CDIN1: variants seen among roughly 807,000 people sequenced by gnomAD.
The protein encoded by CDIN1 is CDAN1-interacting nuclease 1.
In CDIN1, 33 loss-of-function variants were observed where a neutral mutation model predicts 45.3. That is an observed-to-expected ratio of 0.73 (90% CI 0.55 to 0.97). The LOEUF (loss-of-function observed/expected upper bound fraction) is 0.97. Among genes scored for constraint, CDIN1 ranks in the 50% least tolerant of loss-of-function variants. The probability of loss-of-function intolerance (pLI) is 0.00; values close to 1 mark genes in which losing one functional copy is unlikely to be tolerated. For synonymous variants in CDIN1, 118 were observed against 124.4 expected (o/e 0.95, Z 0.34); for missense variants, 303 against 339.4 (o/e 0.89, Z 0.84).
chr15:36,807,632 C>T (rs1398202476), intron 10 of CDIN1, among the ~76,000 whole-genome samples: 1 of 152,118 alleles, frequency 6.6e-6, no homozygotes, highest in Non-Finnish European at 1.5e-5. Flanking sequence ...CTTAGAAATG[C>T]TGAGGTTTTA....
chr15:36,643,903 G>A (rs1224386239), intron 1 of CDIN1, among the ~76,000 whole-genome samples: 1 of 152,168 alleles, frequency 6.6e-6, no homozygotes, highest in Non-Finnish European at 1.5e-5. Flanking sequence ...TGAATGAAGT[G>A]CATGTTCTCT....
rs1389119903 is a variant in CDIN1, at chr15:36,808,179, G to A, written c.717-145G>A. 3.9e-6 allele frequency: 4 copies of A among 1,037,962 alleles called. No individual in the cohort carries two copies. The East Asian group carries it at 9.8e-5, about 25-fold the overall frequency. The allele number at this position is 1,037,962 out of a possible 1,614,324, so 64.3% of individuals were successfully genotyped here. A position where few individuals can be genotyped will look rare whatever the true frequency, so the allele number is the denominator to read the frequency against. ...ATGTGAACTCTTTGGTATAAGTTTG[G>A]CTATTTTCAGTCACAATGGTAGCAA... On this transcript the variant is annotated intron_variant, in intron 10 of 10. Coordinates refer to ENST00000566621, the MANE Select transcript of CDIN1 (RefSeq NM_001321759.2).
chr15:36,670,426 C>T (rs1338105319), intron 5 of CDIN1, among the ~76,000 whole-genome samples: 1 of 152,056 alleles, frequency 6.6e-6, no homozygotes, highest in African/African-American at 2.4e-5. Flanking sequence ...TCAATCTGAC[C>T]TAAATTTTGA....
intron 1 of CDIN1, among the ~76,000 whole-genome samples, chr15:36,593,704 C>T (rs1024348575): frequency 6.6e-6 from 1 of 152,096 alleles, no homozygotes; most frequent in Admixed American, 6.6e-5. Context: ...GCTGTGACTA[C>T]AGGCGCCCGC....
chr15:36,792,616 G>C (rs1185230100), intron 10 of CDIN1, among the ~76,000 whole-genome samples: 1 of 151,544 alleles, frequency 6.6e-6, no homozygotes, highest in Non-Finnish European at 1.5e-5. Context: ...TGGGGGGGAG[G>C]GTGGATTTGT....
rs529060779 is a variant in CDIN1, at chr15:36,742,094, TAA to T, written c.716+32136_716+32137del. Among the ~76,000 whole-genome samples, 504 of 152,146 alleles carry T rather than the reference TAA, an allele frequency of 3.3e-3. 4 individuals are homozygous for T. Among genetic ancestry groups the T allele is most frequent in the African/African-American group, 0.011 (474 of 41,524 alleles). ...GCGTAGATGAAACCAATTATCCAAA[TAA>T]AAGAGTAGATGGAACCAAATGTCCA... On this transcript the variant is annotated intron_variant, in intron 10 of 10. Coordinates refer to ENST00000566621, the MANE Select transcript of CDIN1 (RefSeq NM_001321759.2).
chr15:36,587,119 G>T (rs1039512802), intron 1 of CDIN1, among the ~76,000 whole-genome samples: 1 of 152,172 alleles, frequency 6.6e-6, no homozygotes, highest in African/African-American at 2.4e-5. Context: ...ATAGATATCT[G>T]TATCATTTTG....
chr15:36,782,209 T>G (rs958097945), intron 10 of CDIN1, among the ~76,000 whole-genome samples: 1 of 152,158 alleles, frequency 6.6e-6, no homozygotes, highest in African/African-American at 2.4e-5. Context: ...ATTTATAAAC[T>G]AAATTATTGT....
At chr15:36,791,197 AC>A (rs2054637102) in intron 10 of CDIN1, among the ~76,000 whole-genome samples, 1 of 152,008 alleles carries the variant, frequency 6.6e-6, no homozygotes, top group Non-Finnish European at 1.5e-5. Flanking sequence ...ATAAGGTTTG[AC>A]ATCTAAACTA....
intron 3 of CDIN1, chr15:36,648,778 A>G (rs1004071050): frequency 1.3e-5 from 2 of 152,206 alleles, no homozygotes; most frequent in African/African-American, 4.8e-5. Flanking sequence ...ATCTTGATGC[A>G]TGAGTCTGCT....
intron 5 of CDIN1, among the ~76,000 whole-genome samples, chr15:36,658,581 C>G (rs942733053): frequency 6.6e-6 from 1 of 152,004 alleles, no homozygotes; most frequent in African/African-American, 2.4e-5. Flanking sequence ...GTCAACTGCC[C>G]CATAAATATT....
At chr15:36,789,654 C>G (rs960211057) in intron 10 of CDIN1, among the ~76,000 whole-genome samples, 1 of 152,140 alleles carries the variant, frequency 6.6e-6, no homozygotes, top group Non-Finnish European at 1.5e-5. Context: ...AAGACAAAGT[C>G]CAGACATCAC....
chr15:36,698,434 A>G (rs2042515133), intron 8 of CDIN1, among the ~76,000 whole-genome samples: 2 of 152,240 alleles, frequency 1.3e-5, no homozygotes, highest in African/African-American at 2.4e-5. Context: ...AAATTTCAGT[A>G]TGTAGAAGCA....
chr15:36,682,122 T>G (rs2041871272), intron 5 of CDIN1, among the ~76,000 whole-genome samples: 1 of 151,780 alleles, frequency 6.6e-6, no homozygotes, highest in Admixed American at 6.6e-5. Flanking sequence ...AATTATAGAG[T>G]CTGATAAGCC....
rs184255600 is a variant in CDIN1, at chr15:36,695,312, G to A, written c.477-2011G>A. ...CAAGGAGTGACGTGACCAGGTTGAC[G>A]TTATCAGTGAAAAGGACAATGAAGG... On this transcript the variant is annotated intron_variant, in intron 7 of 10. Coordinates refer to ENST00000566621, the MANE Select transcript of CDIN1 (RefSeq NM_001321759.2). Among the ~76,000 whole-genome samples the A allele has an allele frequency of 6.9e-4, 105 of 152,210 alleles. No homozygotes were observed. The East Asian group carries it at 7.9e-3, about 11-fold the overall frequency.
chr15:36,664,256 G>A (rs1307904448), intron 5 of CDIN1, among the ~76,000 whole-genome samples: 6 of 152,154 alleles, frequency 3.9e-5, no homozygotes, highest in East Asian at 3.9e-4. Context: ...GGAAGTGTGG[G>A]CTTCTTTCTC....
At chr15:36,579,989 G>A in intron 1 of CDIN1, 28 bp downstream of exon 1, 3 of 1,595,152 alleles carry the variant, frequency 1.9e-6, no homozygotes, top group Non-Finnish European at 2.6e-6. Flanking sequence ...CCCTCTCACA[G>A]CCCTTTGCCT....
chr15:36,724,430 A>G (rs1043962268), intron 10 of CDIN1, among the ~76,000 whole-genome samples: 6 of 152,198 alleles, frequency 3.9e-5, no homozygotes, highest in Non-Finnish European at 8.8e-5. Context: ...AATAGAGATA[A>G]CTTTGAGGTT....
chr15:36,722,955 TTGTG>T (rs5811929), intron 10 of CDIN1, among the ~76,000 whole-genome samples: 43 of 60,606 alleles, frequency 7.1e-4, no homozygotes, highest in Admixed American at 1.4e-3. Context: ...TTACATTCAC[TTGTG>T]TGTGTGTGTG....
Sources: allele counts gnomAD v4.1 joint callset (sites outside exome capture counted in the v4.1 genomes callset), GRCh38; gene constraint gnomAD v4.1.1; transcripts MANE v1.5; gene names NCBI Gene and HGNC (gene_info 2026-07-23, HGNC 2026-07-21).